The following PCDHA10 variants were observed in gnomAD, a reference collection of about 807,000 sequenced individuals.
The protein encoded by PCDHA10 is protocadherin alpha 10, also known as protocadherin alpha-10.
Under a neutral mutation model 61.2 loss-of-function variants are expected in PCDHA10, and 45 were observed. The ratio of observed to expected loss-of-function variants is 0.74; its 90% CI spans 0.58 to 0.94. PCDHA10 has a LOEUF of 0.94. Among genes scored for constraint, PCDHA10 ranks in the 40% least tolerant of loss-of-function variants. PCDHA10 has a pLI of 0.00. For synonymous variants in PCDHA10, 602 were observed against 548.8 expected (o/e 1.10, Z -1.35); for missense variants, 1,278 against 1,236.2 (o/e 1.03, Z -0.51).
chr5:140,982,357 A>G, intron 2 of PCDHA10, 118 bp from the exon 3 acceptor site: 1 of 1,520,660 alleles, frequency 6.6e-7, no homozygotes. Flanking sequence ...TTCAAGCATG[A>G]GCAGAATGTG....
intron 1 of PCDHA10, chr5:140,927,406 G>A (rs782729912): frequency 1.2e-6 from 2 of 1,614,210 alleles, no homozygotes; most frequent in Admixed American, 1.7e-5. Flanking sequence ...CTTTCGCCTG[G>A]ACATGGGATC....
chr5:140,966,183 C>T (rs1399845859), intron 1 of PCDHA10: 1 of 195,556 alleles, frequency 5.1e-6, no homozygotes, highest in African/African-American at 2.3e-5. Flanking sequence ...AGCTGATAGC[C>T]AGACTTCTAG....
At chr5:140,968,817 T>C in intron 1 of PCDHA10, 2 of 1,614,110 alleles carry the variant, frequency 1.2e-6, no homozygotes, top group Middle Eastern at 3.3e-4. Flanking sequence ...GTGGATAGGG[T>C]TTCCAAAATC....
At chr5:140,990,114 A>G (rs1392233617) in intron 3 of PCDHA10, among the ~76,000 whole-genome samples, 9 of 151,936 alleles carry the variant, frequency 5.9e-5, no homozygotes, top group Admixed American at 4.6e-4. Flanking sequence ...GGAAATTGAG[A>G]GCTCTGTAGA....
At chr5:140,906,124 G>A (rs1399975318) in intron 1 of PCDHA10, among the ~76,000 whole-genome samples, 2 of 151,992 alleles carry the variant, frequency 1.3e-5, no homozygotes, top group Non-Finnish European at 2.9e-5. Flanking sequence ...TGACACAAAT[G>A]TTAGTCTCCT....
chr5:140,861,442 G>A (rs251368), intron 1 of PCDHA10: 2 of 490,042 alleles, frequency 4.1e-6, no homozygotes, highest in African/African-American at 3.9e-5. Flanking sequence ...TCCAAAAGCC[G>A]CAGAAACCTT....
intron 3 of PCDHA10, among the ~76,000 whole-genome samples, chr5:141,000,512 CCTT>C (rs1340468179): frequency 2.1e-5 from 3 of 144,282 alleles, no homozygotes; most frequent in Non-Finnish European, 4.5e-5. Context: ...ACTGCAACCT[CCTT>C]CTCCAGGGTT....
intron 1 of PCDHA10, chr5:140,883,398 G>C: frequency 6.2e-7 from 1 of 1,614,166 alleles, no homozygotes; most frequent in Non-Finnish European, 8.5e-7. Context: ...GTGTCCGATC[G>C]TGACTCTGGC....
At chr5:140,947,234 AAAAAT>A (rs1164220377) in intron 1 of PCDHA10, among the ~76,000 whole-genome samples, 3 of 151,602 alleles carry the variant, frequency 2.0e-5, no homozygotes, top group Non-Finnish European at 3.0e-5. Flanking sequence ...GACAGGAAAA[AAAAAT>A]AAGATAATCC....
intron 1 of PCDHA10, among the ~76,000 whole-genome samples, chr5:140,934,664 T>G (rs1268113575): frequency 1.3e-5 from 2 of 152,176 alleles, no homozygotes; most frequent in Admixed American, 6.5e-5. Flanking sequence ...TCTTCCCCTT[T>G]GTTTAGCAGT....
At chr5:140,870,392 G>T in intron 1 of PCDHA10, 1 of 1,614,254 alleles carries the variant, frequency 6.2e-7, no homozygotes, top group Non-Finnish European at 8.5e-7. Context: ...CGGGATGGGG[G>T]TTCGCCTTCT....
intron 1 of PCDHA10, among the ~76,000 whole-genome samples, chr5:140,942,542 G>C (rs1023135030): frequency 6.6e-5 from 10 of 152,046 alleles, no homozygotes; most frequent in African/African-American, 2.4e-4. Flanking sequence ...AGTATGGTGG[G>C]GGGTAGGGGG....
Position 140,871,296 on chromosome 5 carries a change from C to A in PCDHA10, c.2388+12860C>A. ...CGGCAACGCCCACTGAGGGCGCGTG[C>A]GCGCCGGGGAAGCCCACGCTGGTGT... On this transcript the variant is annotated intron_variant, in intron 1 of 3. Coordinates refer to ENST00000307360, the MANE Select transcript of PCDHA10 (RefSeq NM_018901.4). 7 of 1,613,892 alleles carry A rather than the reference C, an allele frequency of 4.3e-6. No homozygotes were observed. The South Asian group carries it at 4.4e-5, about 10-fold the overall frequency.
intron 3 of PCDHA10, among the ~76,000 whole-genome samples, chr5:140,986,690 A>G (rs2097209589): frequency 6.6e-6 from 1 of 152,172 alleles, no homozygotes; most frequent in African/African-American, 2.4e-5. Flanking sequence ...AAAGTTTCAA[A>G]ACACACAGCA....
chr5:140,869,518 A>C, intron 1 of PCDHA10: 1 of 1,614,170 alleles, frequency 6.2e-7, no homozygotes, highest in East Asian at 2.2e-5. Flanking sequence ...CAGAGAACAA[A>C]AGCTGCTGAT....
chr5:140,953,851 GC>G (rs1458424600), intron 1 of PCDHA10, among the ~76,000 whole-genome samples: 6 of 152,108 alleles, frequency 3.9e-5, no homozygotes, highest in African/African-American at 1.2e-4. Context: ...GTAAACATGT[GC>G]CATGGTGGTT....
At chr5:140,877,334 C>T (rs375199455) in intron 1 of PCDHA10, 1 of 1,614,002 alleles carries the variant, frequency 6.2e-7, no homozygotes, top group Non-Finnish European at 8.5e-7. Flanking sequence ...GCGCACATCC[C>T]GTTCCACGTG....
intron 1 of PCDHA10, among the ~76,000 whole-genome samples, chr5:140,932,118 A>C (rs2088050775): frequency 6.6e-6 from 1 of 151,946 alleles, no homozygotes; most frequent in African/African-American, 2.4e-5. Flanking sequence ...CCAATTGATA[A>C]TATTTAAGAT....
At position 140,902,128 on chromosome 5, in the gene PCDHA10, A is replaced by T. The variant is rs140093707; in HGVS notation, c.2388+43692A>T. On this transcript the variant is annotated intron_variant, in intron 1 of 3. Transcript: ENST00000307360. ...ATTTTTTTAAAACTGAGATTATATC[A>T]TCTGCAAACAAGGATAATTTGATTT... Among the ~76,000 whole-genome samples the T allele has an allele frequency of 8.6e-3, 1,299 of 150,978 alleles. 13 individuals are homozygous for T. Among genetic ancestry groups the T allele is most frequent in the African/African-American group, 0.03 (1,241 of 41,218 alleles).
Sources: gnomAD v4.1 joint callset for allele counts (sites outside exome capture counted in the v4.1 genomes callset) on GRCh38, gnomAD v4.1.1 for gene constraint, MANE v1.5 for transcripts, NCBI Gene and HGNC (gene_info 2026-07-23, HGNC 2026-07-21) for gene names.